The following CREB5 variants were observed in gnomAD, a reference collection of about 807,000 sequenced individuals.
The protein encoded by CREB5 is cAMP responsive element binding protein 5.
CREB5 carries 19 observed loss-of-function variants against 57.1 expected under a neutral mutation model. That is an observed-to-expected ratio of 0.33 (90% CI 0.23 to 0.49). CREB5 has a LOEUF of 0.49. Ranked by LOEUF, CREB5 falls within the 20% of genes least tolerant of loss-of-function variation. The probability of loss-of-function intolerance (pLI) is 0.99; values close to 1 mark genes in which losing one functional copy is unlikely to be tolerated. For synonymous variants in CREB5, 238 were observed against 238.3 expected (o/e 1.00, Z 0.01); for missense variants, 579 against 671.6 (o/e 0.86, Z 1.52).
rs1005628307 is a variant in CREB5, at chr7:28,555,444, G to A, written c.292-14921G>A. ...TCAATGATTATAAACCTTTAAAAAG[G>A]CGTTTTGTACTGAGATTCTATTTGA... On this transcript the variant is annotated intron_variant, in intron 4 of 10. Coordinates refer to ENST00000357727, the MANE Select transcript of CREB5 (RefSeq NM_182898.4). Among the ~76,000 whole-genome samples, 11 of 152,212 alleles carry A rather than the reference G, an allele frequency of 7.2e-5. No homozygotes were observed. In the East Asian group the frequency reaches 1.3e-3, roughly 19 times the overall value.
At chr7:28,760,847 G>A (rs934710477) in intron 7 of CREB5, among the ~76,000 whole-genome samples, 3 of 152,050 alleles carry the variant, frequency 2.0e-5, no homozygotes, top group African/African-American at 4.8e-5. Flanking sequence ...AAATTGTTGC[G>A]GAATCTAAGA....
chr7:28,487,507 T>C (rs1289279152), intron 1 of CREB5, among the ~76,000 whole-genome samples: 4 of 152,362 alleles, frequency 2.6e-5, no homozygotes, highest in Non-Finnish European at 5.9e-5. Flanking sequence ...TCCAACGTTA[T>C]GTTTTTGGCA....
intron 5 of CREB5, among the ~76,000 whole-genome samples, chr7:28,704,787 T>C (rs193216792): frequency 5.9e-5 from 9 of 152,258 alleles, no homozygotes; most frequent in Non-Finnish European, 1.3e-4. Context: ...TATCTACTCA[T>C]TTAACTTTAG....
intron 7 of CREB5, among the ~76,000 whole-genome samples, chr7:28,753,112 A>G (rs1805080944): frequency 6.6e-6 from 1 of 152,190 alleles, no homozygotes; most frequent in African/African-American, 2.4e-5. Flanking sequence ...CTGTCCTAAG[A>G]AAATAATCAC....
At chr7:28,795,325 A>T (rs1807965624) in intron 7 of CREB5, among the ~76,000 whole-genome samples, 1 of 152,198 alleles carries the variant, frequency 6.6e-6, no homozygotes, top group Non-Finnish European at 1.5e-5. Context: ...ATTAGACAAG[A>T]TCTTTACGGA....
At chr7:28,778,954 A>G (rs1317558647) in intron 7 of CREB5, 1 of 152,220 alleles carries the variant, frequency 6.6e-6, no homozygotes, top group African/African-American at 2.4e-5. Context: ...GTTGTTGTGA[A>G]ATACCCGCCA....
intron 1 of CREB5, among the ~76,000 whole-genome samples, chr7:28,344,060 TGCTA>T (rs1785988363): frequency 6.6e-6 from 1 of 151,832 alleles, no homozygotes. Flanking sequence ...TTTTTTTTTT[TGCTA>T]TTGAGTTGAG....
At chr7:28,587,118 T>A (rs996749223) in intron 5 of CREB5, among the ~76,000 whole-genome samples, 4 of 152,384 alleles carry the variant, frequency 2.6e-5, no homozygotes, top group Admixed American at 2.6e-4. Context: ...TGTATTTATC[T>A]ATACTTGGCT....
At chr7:28,320,942 AGAG>A (rs758845365) in intron 1 of CREB5, among the ~76,000 whole-genome samples, 3 of 152,246 alleles carry the variant, frequency 2.0e-5, no homozygotes, top group Non-Finnish European at 4.4e-5. Context: ...ATGGGAGAGC[AGAG>A]GAGAACACGG....
chr7:28,417,930 G>T (rs1788089721), intron 1 of CREB5, among the ~76,000 whole-genome samples: 4 of 152,148 alleles, frequency 2.6e-5, no homozygotes, highest in Admixed American at 2.6e-4. Context: ...TGTTTTAAAT[G>T]GTCTGCTTCA....
chr7:28,363,136 A>T (rs182380702), intron 1 of CREB5, among the ~76,000 whole-genome samples: 8 of 152,288 alleles, frequency 5.3e-5, no homozygotes, highest in African/African-American at 1.9e-4. Flanking sequence ...AGAGCAGCCA[A>T]ATATTTCAGG....
At chr7:28,444,277 A>G (rs1789327094) in intron 1 of CREB5, among the ~76,000 whole-genome samples, 1 of 152,142 alleles carries the variant, frequency 6.6e-6, no homozygotes, top group East Asian at 1.9e-4. Flanking sequence ...TGGGGGAGAA[A>G]CATAAGGTCT....
chr7:28,409,592 T>G, upstream of CREB5: 2 of 241,392 alleles, frequency 8.3e-6, no homozygotes, highest in South Asian at 4.0e-5. This position sits in a 1 kb window ranked among gnomAD's most constrained non-coding sequence, Gnocchi z 4.4. Flanking sequence ...GGGCAAGGAG[T>G]AGGGAAGATG....
intron 5 of CREB5, among the ~76,000 whole-genome samples, chr7:28,681,240 G>A (rs563786545): frequency 6.6e-6 from 1 of 152,308 alleles, no homozygotes; most frequent in African/African-American, 2.4e-5. Flanking sequence ...CATAAAAAGT[G>A]TGAGCAATAA....
intron 5 of CREB5, among the ~76,000 whole-genome samples, chr7:28,675,956 G>A (rs1800301714): frequency 1.3e-5 from 2 of 152,130 alleles, no homozygotes; most frequent in Non-Finnish European, 2.9e-5. Flanking sequence ...ATTTTAAAGA[G>A]GATTACTGCC....
Position 28,741,306 on chromosome 7 carries a change from C to T in CREB5, c.702+16974C>T, listed in dbSNP as rs1346619429. 3.9e-5 allele frequency among the ~76,000 whole-genome samples: 6 copies of T among 152,126 alleles called. No individual in the cohort carries two copies. In the South Asian group the frequency reaches 8.3e-4, roughly 21 times the overall value. On this transcript the variant is annotated intron_variant, in intron 7 of 10. Coordinates refer to ENST00000357727, the MANE Select transcript of CREB5 (RefSeq NM_182898.4). ...CCCACAAAAGCCTTTTATTCCATAA[C>T]GTATCTGAAAGAGCCTCCCTCCATC...
At chr7:28,393,557 A>G (rs1384028840) in intron 1 of CREB5, among the ~76,000 whole-genome samples, 2 of 152,232 alleles carry the variant, frequency 1.3e-5, no homozygotes, top group African/African-American at 4.8e-5. Flanking sequence ...CTAGTCTGAC[A>G]TAAAAAGAGC....
chr7:28,648,858 A>G (rs1799013124), intron 5 of CREB5, among the ~76,000 whole-genome samples: 1 of 152,204 alleles, frequency 6.6e-6, no homozygotes, highest in African/African-American at 2.4e-5. Context: ...AAACCAAACC[A>G]AAGGAAGCCT....
intron 5 of CREB5, among the ~76,000 whole-genome samples, chr7:28,673,228 A>T (rs79829517): frequency 0.019 from 2,846 of 152,312 alleles, 57 homozygotes; most frequent in Non-Finnish European, 0.021. Flanking sequence ...ATTTGTTTGT[A>T]TACTCAGGGC....
Sources: allele counts gnomAD v4.1 joint callset (sites outside exome capture counted in the v4.1 genomes callset), GRCh38; gene constraint gnomAD v4.1.1; non-coding constraint Gnocchi (gnomAD v3.1); transcripts MANE v1.5; gene names NCBI Gene and HGNC (gene_info 2026-07-23, HGNC 2026-07-21).